Variants in CCDC63 observed in about 807,000 individuals in gnomAD.
CCDC63 encodes coiled-coil domain containing 63, also known as coiled-coil domain-containing protein 63.
Under a neutral mutation model 63.6 loss-of-function variants are expected in CCDC63, and 54 were observed. The ratio of observed to expected loss-of-function variants is 0.85; its 90% CI spans 0.68 to 1.07. The LOEUF (loss-of-function observed/expected upper bound fraction) is 1.07. Ranked by LOEUF, CCDC63 falls within the 50% of genes least tolerant of loss-of-function variation. The probability of loss-of-function intolerance (pLI) is 0.00; values close to 1 mark genes in which losing one functional copy is unlikely to be tolerated. For synonymous variants in CCDC63, 253 were observed against 266.1 expected, an observed-to-expected ratio of 0.95 and a Z score of 0.48; for missense variants, 637 against 689.6, an observed-to-expected ratio of 0.92 and a Z score of 0.86.
intron 5 of CCDC63, among the ~76,000 whole-genome samples, chr12:110,874,375 G>A (rs539983298): frequency 2.0e-5 from 3 of 152,224 alleles, no homozygotes; most frequent in Non-Finnish European, 4.4e-5. Context: ...GCATAGATAT[G>A]CATAACTTGA....
Position 110,876,481 on chromosome 12 carries a change from C to G in CCDC63, c.489+2520C>G, listed in dbSNP as rs2071131622. The stretch of plus-strand genomic sequence containing the variant: ...CCAGGATGCAACATTTTAGGAGGCT[C>G]TTCTGCTCAGGCTTGTGGAAACACA... On this transcript the variant is annotated intron_variant, in intron 5 of 11. Transcript: ENST00000308208. Among the ~76,000 whole-genome samples, 3 of 152,146 alleles carry G rather than the reference C, an allele frequency of 2.0e-5. No homozygotes were observed. The South Asian group carries it at 6.2e-4, about 32-fold the overall frequency.
At chr12:110,881,369 A>C (rs991869877) in intron 7 of CCDC63, 73 bp downstream of exon 7, 2 of 1,450,178 alleles carry the variant, frequency 1.4e-6, no homozygotes, top group African/African-American at 2.9e-5. Context: ...CTCTCTTTTT[A>C]AGTGAAGGTG....
At chr12:110,891,865 C>T (rs1473794351) in intron 8 of CCDC63, among the ~76,000 whole-genome samples, 2 of 152,172 alleles carry the variant, frequency 1.3e-5, no homozygotes, top group African/African-American at 4.8e-5. Flanking sequence ...ATACAACAGA[C>T]AGCCCTGAGG....
chr12:110,860,309 A>G (rs2070836742), intron 4 of CCDC63, among the ~76,000 whole-genome samples: 1 of 151,958 alleles, frequency 6.6e-6, no homozygotes. Flanking sequence ...CAAGTGGGGG[A>G]TCCCATGGCT....
chr12:110,875,606 A>G (rs949428176), intron 5 of CCDC63, among the ~76,000 whole-genome samples: 1 of 152,050 alleles, frequency 6.6e-6, no homozygotes, highest in Non-Finnish European at 1.5e-5. Flanking sequence ...ATGTCTTTCT[A>G]GGAATTGGTC....
rs1196848434 is a variant in CCDC63, at chr12:110,864,591, C to G, written c.369+5816C>G. On this transcript the variant is annotated intron_variant, in intron 4 of 11. Coordinates refer to ENST00000308208, the MANE Select transcript of CCDC63 (RefSeq NM_152591.3). ...ATATGGTGGTGCATGCCTGTGATCC[C>G]AGCTACTTGGGAGGCTGAGGCAGGA... Among the ~76,000 whole-genome samples, 3 of 151,658 alleles carry G rather than the reference C, an allele frequency of 2.0e-5. No individual in the cohort carries two copies. In the East Asian group the frequency reaches 5.8e-4, roughly 29 times the overall value.
intron 1 of CCDC63, among the ~76,000 whole-genome samples, chr12:110,852,098 G>A (rs1337668261): frequency 6.6e-6 from 1 of 152,148 alleles, no homozygotes; most frequent in Non-Finnish European, 1.5e-5. Flanking sequence ...GATTAATGCT[G>A]TCCCTTGCTC....
chr12:110,902,599 C>A (rs2071502413), intron 10 of CCDC63, among the ~76,000 whole-genome samples: 1 of 152,124 alleles, frequency 6.6e-6, no homozygotes, highest in South Asian at 2.1e-4. Flanking sequence ...TATTCCCTCT[C>A]ACCGCAGTCC....
At chr12:110,853,057 A>G in intron 2 of CCDC63, 94 bp downstream of exon 2, 1 of 1,386,862 alleles carries the variant, frequency 7.2e-7, no homozygotes, top group Non-Finnish European at 1.0e-6. Flanking sequence ...ATCCTGACAA[A>G]CAGATCTGTG....
intron 8 of CCDC63, among the ~76,000 whole-genome samples, chr12:110,885,982 T>C (rs1017528999): frequency 1.3e-5 from 2 of 152,166 alleles, no homozygotes; most frequent in Non-Finnish European, 2.9e-5. Flanking sequence ...ATAAACATAA[T>C]GGCTTGGTTT....
chr12:110,873,844 T>G lies in CCDC63; in HGVS notation c.372T>G (p.Ile124Met). The G allele has an allele frequency of 6.2e-7, 1 of 1,612,624 alleles. No homozygotes were observed. The highest frequency in any genetic ancestry group is 8.5e-7 in the Non-Finnish European group (1 of 1,179,636). The change falls in exon 5 of 12, where the codon ATT (isoleucine) becomes ATG (methionine). Residue 124 changes from isoleucine (I) to methionine (M), a missense_variant and splice_region_variant. Transcript: ENST00000308208. ...KVLLAELDEK[I>M]LQMEKKIANQ... is the part of the protein sequence containing the mutation. ...TTCTCTCTCTCTCTCTTTTTCAGAT[T>G]CTTCAGATGGAAAAAAAAATCGCAA...
chr12:110,847,207 T>A (rs2070648165), intron 1 of CCDC63, 102 bp downstream of exon 1: 1 of 152,332 alleles, frequency 6.6e-6, no homozygotes, highest in South Asian at 2.1e-4. Flanking sequence ...CATATCTCGC[T>A]GCCCTAAGCG....
intron 1 of CCDC63, among the ~76,000 whole-genome samples, chr12:110,849,779 A>G (rs139836512): frequency 9.5e-4 from 144 of 152,218 alleles, no homozygotes; most frequent in African/African-American, 3.4e-3. Context: ...GATTACAGGC[A>G]TGAGCCACTG....
intron 9 of CCDC63, 61 bp downstream of exon 9, chr12:110,893,211 C>A: frequency 7.2e-7 from 1 of 1,396,386 alleles, no homozygotes; most frequent in Middle Eastern, 2.1e-4. Flanking sequence ...CTGTGTCTGA[C>A]GGGAGCTTCT....
chr12:110,861,924 C>G (rs554511307), intron 4 of CCDC63, among the ~76,000 whole-genome samples: 42 of 152,150 alleles, frequency 2.8e-4, no homozygotes, highest in African/African-American at 9.4e-4. Context: ...CACTAGATGT[C>G]CCTACTGTGC....
chr12:110,848,862 A>G (rs1019567914), intron 1 of CCDC63, among the ~76,000 whole-genome samples: 16 of 152,240 alleles, frequency 1.1e-4, no homozygotes, highest in Admixed American at 2.0e-4. Flanking sequence ...CCTGGAACAT[A>G]GAACAGCTCC....
rs2071176889 is a variant in CCDC63, at chr12:110,879,992, T to C, written c.576T>C (p.Tyr192=). The change falls in exon 6 of 12, where the codon TAT becomes TAC. Residue 192 remains tyrosine, a synonymous_variant. Transcript: ENST00000308208. ...ACCTACGATTTGAGAAGGCTGCTTA[T>C]GACAATGTCTACCAGCAGCTCCAGC... ...IEDLRFEKAA[Y]DNVYQQLQHC... is the part of the protein sequence containing the mutation. The C allele has an allele frequency of 1.2e-6, 2 of 1,614,108 alleles. No individual in the cohort carries two copies. The highest frequency in any genetic ancestry group is 1.3e-5 in the African/African-American group (1 of 74,948).
At chr12:110,887,051 C>T (rs759893708) in intron 8 of CCDC63, among the ~76,000 whole-genome samples, 2 of 152,176 alleles carry the variant, frequency 1.3e-5, no homozygotes, top group Non-Finnish European at 2.9e-5. Context: ...AGGAGTCCTC[C>T]AAGTCCAAAC....
chr12:110,881,142 C>T lies in CCDC63; in HGVS notation c.699C>T (p.Ala233=), dbSNP rs547288541. The change falls in exon 7 of 12, where the codon GCC becomes GCT. Residue 233 remains alanine, a synonymous_variant. Coordinates refer to ENST00000308208, the MANE Select transcript of CCDC63 (RefSeq NM_152591.3). ...TGGAGGCCATGGCTCGAATGGCTGC[C>T]ATGAAAGACCGCCAGAAGAAGGACA... ...QRVEAMARMA[A]MKDRQKKDTS... 5.0e-6 allele frequency: 8 copies of T among 1,611,744 alleles called. No individual in the cohort carries two copies. The African/African-American group carries it at 1.1e-4, about 22-fold the overall frequency.
Sources: gnomAD v4.1 joint callset for allele counts (sites outside exome capture counted in the v4.1 genomes callset) on GRCh38, gnomAD v4.1.1 for gene constraint, MANE v1.5 for transcripts, NCBI Gene and HGNC (gene_info 2026-07-23, HGNC 2026-07-21) for gene names.